CTBP2: variants seen among roughly 807,000 people sequenced by gnomAD.
CTBP2 encodes the protein C-terminal binding protein 2, also known as C-terminal-binding protein 2.
In CTBP2, 30 loss-of-function variants were observed where a neutral mutation model predicts 80.3. That is an observed-to-expected ratio of 0.37 (90% CI 0.28 to 0.51). CTBP2 has a LOEUF of 0.51. Ranked by LOEUF, CTBP2 falls within the 20% of genes least tolerant of loss-of-function variation. The probability of loss-of-function intolerance (pLI) is 0.93; values close to 1 mark genes in which losing one functional copy is unlikely to be tolerated. For synonymous variants in CTBP2, 594 were observed against 587.4 expected, an observed-to-expected ratio of 1.01 and a Z score of -0.16; for missense variants, 1,212 against 1,375.3, an observed-to-expected ratio of 0.88 and a Z score of 1.88.
chr10:125,102,410 G>A (rs1396284534), intron 2 of CTBP2, among the ~76,000 whole-genome samples: 2 of 152,188 alleles, frequency 1.3e-5, no homozygotes, highest in Admixed American at 1.3e-4. Context: ...ATTCTTCCTG[G>A]CCACATCAAA....
At chr10:125,062,829 C>T (rs920036157) in intron 2 of CTBP2, among the ~76,000 whole-genome samples, 15 of 152,248 alleles carry the variant, frequency 9.9e-5, no homozygotes, top group African/African-American at 3.1e-4. Flanking sequence ...CGCCACTGGG[C>T]GCCTGGGCAA....
chr10:125,014,837 C>G (rs1956306756), intron 1 of CTBP2, among the ~76,000 whole-genome samples: 1 of 152,252 alleles, frequency 6.6e-6, no homozygotes, highest in Admixed American at 6.5e-5. Context: ...CCAGGTTGAG[C>G]CACCAGCAGC....
intron 1 of CTBP2, among the ~76,000 whole-genome samples, chr10:125,148,853 T>C (rs761001810): frequency 1.3e-5 from 2 of 152,222 alleles, no homozygotes; most frequent in African/African-American, 4.8e-5. Context: ...GCCTCATTCT[T>C]AATCCCAGGC....
chr10:125,127,994 AT>A (rs1226751251), intron 1 of CTBP2, among the ~76,000 whole-genome samples: 2 of 152,220 alleles, frequency 1.3e-5, no homozygotes, highest in Non-Finnish European at 2.9e-5. Flanking sequence ...TTAAGAGAAC[AT>A]TCTAGTAACC....
chr10:125,127,583 G>A (rs1044210503), intron 1 of CTBP2, among the ~76,000 whole-genome samples: 3 of 152,138 alleles, frequency 2.0e-5, no homozygotes, highest in African/African-American at 7.2e-5. Flanking sequence ...GACCCACATG[G>A]AATGGCCTCC....
At position 124,993,977 on chromosome 10, in the gene CTBP2, C is replaced by A; in HGVS notation, c.2409G>T (p.Gln803His). ...GGGCTGCGTTCACAAGGAATGCTCCCTGCCTCATCTGTGGAAGGAAAGAAA... is the reference window on the plus strand; with the variant it reads ...GGGCTGCGTTCACAAGGAATGCTCCATGCCTCATCTGTGGAAGGAAAGAAA... The change falls in exon 6 of 9, where the codon CAG becomes CAT. Residue 803 changes from glutamine to histidine, a missense_variant. Gln to His is a conservative substitution (Grantham distance 24). Around this residue, in one of 3 missense-constraint regions of CTBP2, gnomAD observed 335 missense variants for 504.7 expected, o/e 0.66. Transcript: ENST00000309035. 1 of 1,614,106 alleles carries A rather than the reference C, an allele frequency of 6.2e-7. No individual in the cohort carries two copies. Among genetic ancestry groups the A allele is most frequent in the Non-Finnish European group, 8.5e-7 (1 of 1,179,994 alleles).
At chr10:125,156,744 G>A (rs1860986734) in intron 1 of CTBP2, among the ~76,000 whole-genome samples, 1 of 152,058 alleles carries the variant, frequency 6.6e-6, no homozygotes, top group African/African-American at 2.4e-5. Context: ...TTGATTTTCT[G>A]GTTTTGTTGT....
chr10:125,040,566 C>T (rs951846530), intron 2 of CTBP2, among the ~76,000 whole-genome samples: 1 of 145,770 alleles, frequency 6.9e-6, no homozygotes, highest in Admixed American at 7.0e-5. Context: ...ACAATTAAAT[C>T]AGTCTTATTT....
chr10:125,097,586 G>A (rs527817830), intron 2 of CTBP2, among the ~76,000 whole-genome samples: 53 of 152,242 alleles, frequency 3.5e-4, no homozygotes, highest in African/African-American at 1.1e-3. Flanking sequence ...CGCGCCTTAG[G>A]TGCATGCCTC....
chr10:125,076,625 G>A (rs1454634011), intron 2 of CTBP2, among the ~76,000 whole-genome samples: 2 of 152,164 alleles, frequency 1.3e-5, no homozygotes, highest in Non-Finnish European at 1.5e-5. Context: ...CACTTTCCGA[G>A]TTCTCCTGCC....
intron 2 of CTBP2, among the ~76,000 whole-genome samples, chr10:125,098,657 GGAGAGAGAGAGAGAGA>G (rs565818097): frequency 2.7e-4 from 12 of 44,980 alleles, no homozygotes; most frequent in South Asian, 9.2e-4. Context: ...TGGGGGAGGG[GGAGAGAGAGAGAGAGA>G]GAGAGAGAGA....
intron 1 of CTBP2, among the ~76,000 whole-genome samples, chr10:125,139,097 C>T (rs541614776): frequency 3.3e-5 from 5 of 152,218 alleles, no homozygotes; most frequent in African/African-American, 9.6e-5. Flanking sequence ...ATTAGCCAGG[C>T]GAGGTGGCTC....
At chr10:125,005,515 A>G in intron 1 of CTBP2, 1 of 1,578,562 alleles carries the variant, frequency 6.3e-7, no homozygotes. Flanking sequence ...AAAATAAGGC[A>G]GGGACGAGGG....
chr10:125,007,684 A>G (rs1362128817), intron 1 of CTBP2, among the ~76,000 whole-genome samples: 3 of 152,208 alleles, frequency 2.0e-5, no homozygotes, highest in Non-Finnish European at 4.4e-5. Context: ...GTCACCAAGA[A>G]GGAACTGGAT....
At position 124,997,922 on chromosome 10, in the gene CTBP2, G is replaced by GT. The variant is rs1953858947; in HGVS notation, c.2185+41dup. 3.2e-6 allele frequency: 5 copies of GT among 1,575,816 alleles called. No homozygotes were observed. In the East Asian group the frequency reaches 1.1e-4, roughly 35 times the overall value. ...AGGGGTCCCCACTACACCAGCCCCA[G>GT]TGTCGGAGGGGTTGGGGGTCAGCGC... On this transcript the variant is annotated intron_variant, in intron 4 of 8. Coordinates refer to ENST00000309035, the MANE Select transcript of CTBP2 (RefSeq NM_022802.3).
At chr10:125,034,085 A>G (rs934368070) in intron 3 of CTBP2, among the ~76,000 whole-genome samples, 2 of 152,218 alleles carry the variant, frequency 1.3e-5, no homozygotes, top group African/African-American at 4.8e-5. Context: ...GTGAGTATGA[A>G]GACATCCGCC....
intron 6 of CTBP2, 80 bp from the exon 9 acceptor site, chr10:124,993,409 G>A (rs1183425203): frequency 1.3e-6 from 2 of 1,483,736 alleles, no homozygotes; most frequent in Non-Finnish European, 1.8e-6. Context: ...GGGAGCTCTT[G>A]GCCATGTAGA....
intron 1 of CTBP2, among the ~76,000 whole-genome samples, chr10:125,154,303 A>G (rs1456962497): frequency 1.3e-5 from 2 of 152,174 alleles, no homozygotes; most frequent in East Asian, 3.8e-4. Flanking sequence ...GAAGGCAACA[A>G]AACCAAAGGC....
intron 1 of CTBP2, among the ~76,000 whole-genome samples, chr10:125,126,928 C>CAT (rs1178483035): frequency 1.5e-3 from 220 of 150,880 alleles, no homozygotes; most frequent in African/African-American, 5.0e-3. Flanking sequence ...CACACATTCT[C>CAT]TCTCTCTCTC....
Sources: gnomAD v4.1 joint callset for allele counts (sites outside exome capture counted in the v4.1 genomes callset) on GRCh38, gnomAD v4.1.1 for gene constraint, gnomAD v4.1.1 regional missense constraint, MANE v1.5 for transcripts, NCBI Gene and HGNC (gene_info 2026-07-23, HGNC 2026-07-21) for gene names.